MYLK: variants seen among roughly 807,000 people sequenced by gnomAD.
The protein encoded by MYLK is myosin light chain kinase, also known as myosin light chain kinase, smooth muscle.
MYLK carries 106 observed loss-of-function variants against 203.4 expected under a neutral mutation model. The observed-to-expected ratio is 0.52, with a 90% CI of 0.45 to 0.61. The LOEUF is 0.61. MYLK is among the 20% of genes least tolerant of loss of function. MYLK has a pLI of 0.00. For synonymous variants in MYLK, 867 were observed against 959.5 expected, an observed-to-expected ratio of 0.90 and a Z score of 1.78; for missense variants, 2,072 against 2,442.3, an observed-to-expected ratio of 0.85 and a Z score of 3.20.
chr3:123,612,506 G>GTGAT lies in MYLK; in HGVS notation c.*1595_*1598dup, dbSNP rs1393951703. On this transcript the variant is annotated 3_prime_UTR_variant, in exon 34 of 34. Transcript: ENST00000360304. ...CAAAGGTTATATTCTGAACACAAAAGTGATAGAAAAAAGCTTTGAATGCGC... is the reference window on the plus strand; with the variant it reads ...CAAAGGTTATATTCTGAACACAAAAGTGATTGATAGAAAAAAGCTTTGAATGCGC... 2.0e-5 allele frequency: 3 copies of GTGAT among 152,494 alleles called. No individual in the cohort carries two copies. Among genetic ancestry groups the GTGAT allele is most frequent in the Non-Finnish European group, 2.9e-5 (2 of 67,998 alleles). 9.4% of individuals were successfully genotyped at this position (152,494 alleles called of 1,614,324 possible). A position where few individuals can be genotyped will look rare whatever the true frequency, so the allele number is the denominator to read the frequency against.
intron 4 of MYLK, among the ~76,000 whole-genome samples, chr3:123,772,719 G>A (rs2063924031): frequency 6.6e-6 from 1 of 151,882 alleles, no homozygotes; most frequent in Non-Finnish European, 1.5e-5. Context: ...AAAAGTAAAG[G>A]ACATGAACAA....
chr3:123,845,048 T>TATTCAGTC (rs1356873219), intron 2 of MYLK, among the ~76,000 whole-genome samples: 2 of 152,080 alleles, frequency 1.3e-5, no homozygotes, highest in Non-Finnish European at 2.9e-5. Flanking sequence ...TAAGAGAGGG[T>TATTCAGTC]ATTCAGTCTC....
At chr3:123,617,089 G>A (rs903477026) in intron 33 of MYLK, 1 of 152,166 alleles carries the variant, frequency 6.6e-6, no homozygotes, top group African/African-American at 2.4e-5. Flanking sequence ...TGGTCATAAA[G>A]TACCCTCCAC....
intron 2 of MYLK, among the ~76,000 whole-genome samples, chr3:123,854,692 C>T (rs2031191430): frequency 6.6e-6 from 1 of 152,148 alleles, no homozygotes; most frequent in South Asian, 2.1e-4. Context: ...AAGCCCAAAC[C>T]TTAGCATCTC....
intron 2 of MYLK, among the ~76,000 whole-genome samples, chr3:123,843,267 CA>C (rs1249012267): frequency 6.6e-6 from 1 of 152,154 alleles, no homozygotes; most frequent in African/African-American, 2.4e-5. Context: ...GAGAAATAAT[CA>C]TATATTTTAA....
rs2148740667 is a variant in MYLK at position 123,884,312 on chromosome 3, A to G, written c.-292T>C. ...GAGCTCGCTCAGCGCCCTGCTGCCGACCGGGCGGCGCGGGGAGCCCGCGAG... is the reference window on the plus strand; with the variant it reads ...GAGCTCGCTCAGCGCCCTGCTGCCGGCCGGGCGGCGCGGGGAGCCCGCGAG... On this transcript the variant is annotated 5_prime_UTR_variant, in exon 1 of 34. Coordinates refer to ENST00000360304, the MANE Select transcript of MYLK (RefSeq NM_053025.4). 8.3e-6 allele frequency: 1 copy of G among 120,204 alleles called. No individual in the cohort carries two copies. Among genetic ancestry groups the G allele is most frequent in the Admixed American group, 1.1e-4 (1 of 9,390 alleles). 7.4% of individuals were successfully genotyped at this position (120,204 alleles called of 1,614,324 possible). A position where few individuals can be genotyped will look rare whatever the true frequency, so the allele number is the denominator to read the frequency against.
chr3:123,653,986 TTGTGTG>T lies in MYLK; in HGVS notation c.4288+3134_4288+3139del, dbSNP rs752791805. Among the ~76,000 whole-genome samples, 1,192 of 137,750 alleles carry T rather than the reference TTGTGTG, an allele frequency of 8.7e-3. 19 individuals carry two copies. Among genetic ancestry groups the T allele is most frequent in the African/African-American group, 0.026 (957 of 37,194 alleles). 90.4% of individuals were successfully genotyped at this position (137,750 alleles called of 152,430 possible). On this transcript the variant is annotated intron_variant, in intron 24 of 33. Coordinates refer to ENST00000360304, the MANE Select transcript of MYLK (RefSeq NM_053025.4). ...CCACTCTGCTCATTTCAGAGGGATGTTGTGTGTGTGTGTGTGTGTGTGTGTGTGTGT... is the reference window on the plus strand; with the variant it reads ...CCACTCTGCTCATTTCAGAGGGATGTTGTGTGTGTGTGTGTGTGTGTGTGT...
chr3:123,723,467 CCCTCCAAA>C (rs1448344112), intron 12 of MYLK, among the ~76,000 whole-genome samples: 1 of 152,192 alleles, frequency 6.6e-6, no homozygotes, highest in African/African-American at 2.4e-5. Flanking sequence ...CACAATGGTA[CCCTCCAAA>C]CCTCTCTTCC....
intron 4 of MYLK, among the ~76,000 whole-genome samples, chr3:123,755,316 A>T (rs949694177): frequency 8.5e-5 from 13 of 152,158 alleles, no homozygotes; most frequent in African/African-American, 3.1e-4. Flanking sequence ...TTAACTGGGG[A>T]CATTGCAAAC....
chr3:123,843,996 G>A (rs2066653005), intron 2 of MYLK, among the ~76,000 whole-genome samples: 1 of 152,136 alleles, frequency 6.6e-6, no homozygotes, highest in Admixed American at 6.6e-5. Context: ...TCTCTTAAAA[G>A]GCATTTTCCC....
intron 4 of MYLK, among the ~76,000 whole-genome samples, chr3:123,763,704 TTGTG>T (rs1185113308): frequency 6.6e-6 from 1 of 152,006 alleles, no homozygotes; most frequent in Non-Finnish European, 1.5e-5. Flanking sequence ...GTGTGTGGGG[TTGTG>T]TGTGTGTTTT....
intron 4 of MYLK, among the ~76,000 whole-genome samples, chr3:123,752,801 G>A (rs991879604): frequency 6.6e-6 from 1 of 152,076 alleles, no homozygotes; most frequent in African/African-American, 2.4e-5. Context: ...CTGCATTTTA[G>A]AATCATCCAG....
intron 4 of MYLK, among the ~76,000 whole-genome samples, chr3:123,772,218 T>A (rs985361131): frequency 6.6e-6 from 1 of 152,172 alleles, no homozygotes; most frequent in Admixed American, 6.5e-5. Flanking sequence ...AGTAGGATTA[T>A]ATGATTAGAT....
rs57008882 is a variant in MYLK, at chr3:123,631,165, A to G, written c.4962-1539T>C. Among the ~76,000 whole-genome samples the G allele has an allele frequency of 0.022, 3,383 of 152,036 alleles. 189 individuals are homozygous for G. In the East Asian group the frequency reaches 0.23, roughly 10 times the overall value. On this transcript the variant is annotated intron_variant, in intron 29 of 33. Transcript: ENST00000360304. ...GTAATCCCAGCACTTTGGGAGGCCAAAATGGATGGATCACCTGAGGTCAGG... is the reference window on the plus strand; with the variant it reads ...GTAATCCCAGCACTTTGGGAGGCCAGAATGGATGGATCACCTGAGGTCAGG...
At position 123,631,648 on chromosome 3, in the gene MYLK, A is replaced by G. The variant is rs148450886; in HGVS notation, c.4962-2022T>C. Among the ~76,000 whole-genome samples the G allele has an allele frequency of 4.5e-4, 69 of 152,316 alleles. No individual in the cohort carries two copies. The East Asian group carries it at 0.013, about 28-fold the overall frequency. On this transcript the variant is annotated intron_variant, in intron 29 of 33. Transcript: ENST00000360304. ...TTGTAAAGAGAAGAAAGCTTTTACA[A>G]TGTGAATTGTCTCATCCTAATCAAC... is the stretch of plus-strand genomic sequence containing the variant.
chr3:123,817,062 G>A (rs2065773213), intron 3 of MYLK, among the ~76,000 whole-genome samples: 2 of 152,188 alleles, frequency 1.3e-5, no homozygotes, highest in Non-Finnish European at 2.9e-5. Context: ...AAGCTTCTTG[G>A]CTCACTTCCT....
At chr3:123,866,871 C>A (rs181903085) in intron 2 of MYLK, among the ~76,000 whole-genome samples, 2 of 152,262 alleles carry the variant, frequency 1.3e-5, no homozygotes, top group East Asian at 3.9e-4. Context: ...CCTCCTCACC[C>A]TTCAATGGGG....
At chr3:123,637,527 C>G (rs1211890365) in intron 29 of MYLK, among the ~76,000 whole-genome samples, 1 of 152,156 alleles carries the variant, frequency 6.6e-6, no homozygotes, top group East Asian at 1.9e-4. Flanking sequence ...GTTCTAATTA[C>G]TGTGTTACTT....
At chr3:123,733,584 T>A in intron 10 of MYLK, 103 bp downstream of exon 10, 1 of 1,405,920 alleles carries the variant, frequency 7.1e-7, no homozygotes, top group Admixed American at 1.7e-5. Flanking sequence ...TCCAAGAAGA[T>A]GAGTGGATAT....
Sources: gnomAD v4.1 joint callset for allele counts (sites outside exome capture counted in the v4.1 genomes callset) on GRCh38, gnomAD v4.1.1 for gene constraint, MANE v1.5 for transcripts, NCBI Gene and HGNC (gene_info 2026-07-23, HGNC 2026-07-21) for gene names.